The following UBE2G2 variants were observed in gnomAD, a reference collection of about 807,000 sequenced individuals.
UBE2G2 encodes the protein ubiquitin-conjugating enzyme E2 G2.
A neutral mutation model predicts 23.0 loss-of-function variants in UBE2G2; 10 were observed. The ratio of observed to expected loss-of-function variants is 0.43; its 90% CI spans 0.27 to 0.74. The LOEUF is 0.74. UBE2G2 is among the 30% of genes least tolerant of loss of function. The pLI, the probability that UBE2G2 is intolerant of heterozygous loss-of-function variation, is 0.19. For missense variants in UBE2G2, 150 were observed against 218.3 expected (o/e 0.69, Z 1.97); for synonymous variants, 86 against 81.3 (o/e 1.06, Z -0.31).
intron 1 of UBE2G2, among the ~76,000 whole-genome samples, chr21:44,790,026 AT>A (rs1555962740): frequency 1.3e-5 from 2 of 152,152 alleles, no homozygotes; most frequent in African/African-American, 2.4e-5. Context: ...GGTCTTTGGT[AT>A]TTTTTTACAG....
intron 1 of UBE2G2, among the ~76,000 whole-genome samples, chr21:44,795,490 A>T (rs912152655): frequency 6.6e-6 from 1 of 151,890 alleles, no homozygotes; most frequent in East Asian, 1.9e-4. Flanking sequence ...AAATTAGCTA[A>T]GCGAGGTGGC....
rs141564937 is a variant in UBE2G2, at chr21:44,791,301, T to C, written c.44-3206A>G. On this transcript the variant is annotated intron_variant, in intron 1 of 5. Coordinates refer to ENST00000345496, the MANE Select transcript of UBE2G2 (RefSeq NM_003343.6). ...CAATGGGGTAAATGTCTCCAGAGCATGTCAGAGATCTTGGCAGCAGCCCCT... is the reference window on the plus strand; with the variant it reads ...CAATGGGGTAAATGTCTCCAGAGCACGTCAGAGATCTTGGCAGCAGCCCCT... 9.6e-3 allele frequency among the ~76,000 whole-genome samples: 1,465 copies of C among 152,236 alleles called. 27 individuals are homozygous for C. Among genetic ancestry groups the C allele is most frequent in the African/African-American group, 0.033 (1,353 of 41,536 alleles).
intron 1 of UBE2G2, among the ~76,000 whole-genome samples, chr21:44,794,499 T>C (rs540343078): frequency 1.3e-5 from 2 of 152,178 alleles, no homozygotes; most frequent in South Asian, 2.1e-4. Context: ...AAGTCAATAA[T>C]TGAATTTCAT....
At chr21:44,786,784 C>T (rs2082999741) in intron 3 of UBE2G2, among the ~76,000 whole-genome samples, 1 of 152,168 alleles carries the variant, frequency 6.6e-6, no homozygotes, top group Non-Finnish European at 1.5e-5. Flanking sequence ...AATTAAAAGA[C>T]CTCACTAATG....
In UBE2G2 at chr21:44,771,196, G is replaced by A; in HGVS notation, c.*181C>T. ...GTAAGCTGTCAATATTCGACATTAA[G>A]TCATCATTTCAGAAGAGAAGCCTGT... On this transcript the variant is annotated 3_prime_UTR_variant, in exon 6 of 6. Coordinates refer to ENST00000345496, the MANE Select transcript of UBE2G2 (RefSeq NM_003343.6). This position sits in a 1 kb window ranked among gnomAD's most constrained non-coding sequence, Gnocchi z 4.6. 1 of 593,034 alleles carries A rather than the reference G, an allele frequency of 1.7e-6. No homozygotes were observed. Among genetic ancestry groups the A allele is most frequent in the Non-Finnish European group, 3.0e-6 (1 of 337,916 alleles). 36.7% of individuals were successfully genotyped at this position (593,034 alleles called of 1,614,324 possible). A position where few individuals can be genotyped will look rare whatever the true frequency, so the allele number is the denominator to read the frequency against.
At chr21:44,777,612 A>T (rs2082923098) in intron 3 of UBE2G2, among the ~76,000 whole-genome samples, 195 bp from the exon 4 acceptor site, 1 of 152,172 alleles carries the variant, frequency 6.6e-6, no homozygotes, top group Admixed American at 6.5e-5. Flanking sequence ...GTTCAAGACC[A>T]GCCTGGGCAA....
chr21:44,787,806 G>A (rs1032248139), intron 3 of UBE2G2, 114 bp downstream of exon 3: 10 of 1,191,878 alleles, frequency 8.4e-6, no homozygotes, highest in Non-Finnish European at 9.5e-6. Flanking sequence ...CATTACTGGA[G>A]AACTCAGTCT....
At chr21:44,776,771 C>T (rs35627976) in intron 4 of UBE2G2, 13,448 of 156,260 alleles carry the variant, frequency 0.086, 649 homozygotes, top group South Asian at 0.1. Flanking sequence ...TAAGATGTGC[C>T]TTTGCTTCTC....
chr21:44,781,994 A>C (rs868910528), intron 3 of UBE2G2, among the ~76,000 whole-genome samples: 10 of 152,262 alleles, frequency 6.6e-5, no homozygotes, highest in African/African-American at 2.4e-4. Context: ...GTACTAAATA[A>C]GTTCATCAAT....
chr21:44,793,376 A>C (rs1477451441), intron 1 of UBE2G2, among the ~76,000 whole-genome samples: 3 of 152,122 alleles, frequency 2.0e-5, no homozygotes, highest in African/African-American at 4.8e-5. Context: ...ACCCTCCCTT[A>C]GGGAGGGGAA....
At chr21:44,787,216 C>A (rs1400770196) in intron 3 of UBE2G2, among the ~76,000 whole-genome samples, 1 of 152,048 alleles carries the variant, frequency 6.6e-6, no homozygotes, top group East Asian at 1.9e-4. Flanking sequence ...CCAAAAATTG[C>A]ACATCTAAGG....
intron 3 of UBE2G2, among the ~76,000 whole-genome samples, chr21:44,781,417 A>G (rs928698087): frequency 3.9e-5 from 6 of 152,048 alleles, no homozygotes; most frequent in Admixed American, 3.9e-4. Context: ...TTCCCACCCC[A>G]CTAATGCCCA....
At chr21:44,792,920 T>C (rs2083056697) in intron 1 of UBE2G2, among the ~76,000 whole-genome samples, 1 of 152,312 alleles carries the variant, frequency 6.6e-6, no homozygotes, top group Non-Finnish European at 1.5e-5. Flanking sequence ...GCCAAGTGCA[T>C]TAAACATTTC....
intron 1 of UBE2G2, among the ~76,000 whole-genome samples, chr21:44,797,168 A>T (rs1254504451): frequency 6.6e-6 from 1 of 152,192 alleles, no homozygotes; most frequent in Non-Finnish European, 1.5e-5. Flanking sequence ...TTTCATGTTA[A>T]CATGTAAAAA....
Position 44,801,259 on chromosome 21 carries a change from A to G in UBE2G2, c.43+447T>C, listed in dbSNP as rs558930541. The stretch of plus-strand genomic sequence containing the variant: ...CACTGTTCAAAAACCCTTTTCCTTC[A>G]TTAGAGGGAAAGCCAAAATCTGACC... On this transcript the variant is annotated intron_variant, in intron 1 of 5. Transcript: ENST00000345496. 1.5e-5 allele frequency: 15 copies of G among 985,036 alleles called. No homozygotes were observed. The East Asian group carries it at 1.5e-3, about 99-fold the overall frequency. 61.0% of individuals were successfully genotyped at this position (985,036 alleles called of 1,614,324 possible). A position where few individuals can be genotyped will look rare whatever the true frequency, so the allele number is the denominator to read the frequency against.
At chr21:44,777,470 G>T in intron 3 of UBE2G2, 53 bp from the exon 4 acceptor site, 1 of 1,536,796 alleles carries the variant, frequency 6.5e-7, no homozygotes, top group South Asian at 1.1e-5. Flanking sequence ...TTTCAACGTC[G>T]ACCACAATTG....
At chr21:44,779,467 G>C (rs191396074) in intron 3 of UBE2G2, among the ~76,000 whole-genome samples, 2 of 152,042 alleles carry the variant, frequency 1.3e-5, no homozygotes, top group Admixed American at 1.3e-4. Flanking sequence ...CTTGCTACTG[G>C]TACAACAGCC....
chr21:44,783,255 G>T (rs572457518), intron 3 of UBE2G2, among the ~76,000 whole-genome samples: 39 of 152,334 alleles, frequency 2.6e-4, no homozygotes, highest in African/African-American at 9.1e-4. Context: ...GCTGTTATCA[G>T]ACAACAGCAG....
At chr21:44,782,058 C>T (rs1466678556) in intron 3 of UBE2G2, among the ~76,000 whole-genome samples, 1 of 152,084 alleles carries the variant, frequency 6.6e-6, no homozygotes, top group Non-Finnish European at 1.5e-5. Context: ...ACAACATAAA[C>T]TTTGACCTTA....
Sources: allele counts gnomAD v4.1 joint callset (sites outside exome capture counted in the v4.1 genomes callset), GRCh38; gene constraint gnomAD v4.1.1; non-coding constraint Gnocchi (gnomAD v3.1); transcripts MANE v1.5; gene names NCBI Gene and HGNC (gene_info 2026-07-23, HGNC 2026-07-21).